Variants in MYO6 observed in about 807,000 individuals in gnomAD.
The protein encoded by MYO6 is myosin VI, also known as unconventional myosin-VI.
Under a neutral mutation model 178.7 loss-of-function variants are expected in MYO6, and 74 were observed. The ratio of observed to expected loss-of-function variants is 0.41; its 90% confidence interval spans 0.34 to 0.50. The LOEUF is 0.50. MYO6 is among the 20% of genes least tolerant of loss of function. The probability of loss-of-function intolerance (pLI) is 0.09; values close to 1 mark genes in which losing one functional copy is unlikely to be tolerated. For synonymous variants in MYO6, 477 were observed against 504.6 expected, an observed-to-expected ratio of 0.95 and a Z score of 0.73; for missense variants, 1,330 against 1,547.4, an observed-to-expected ratio of 0.86 and a Z score of 2.36.
At chr6:75,889,938 A>G in intron 25 of MYO6, 119 bp from the exon 26 acceptor site, 2 of 807,292 alleles carry the variant, frequency 2.5e-6, no homozygotes, top group Non-Finnish European at 4.0e-6. Context: ...AACAATAAAA[A>G]CATTAAAATT....
At chr6:75,814,040 C>G (rs1033720268) in intron 1 of MYO6, among the ~76,000 whole-genome samples, 3 of 152,192 alleles carry the variant, frequency 2.0e-5, no homozygotes, top group African/African-American at 7.2e-5. Context: ...GCTCCCCAAA[C>G]CCGGTGGCTC....
At chr6:75,817,121 C>A (rs898992877) in intron 1 of MYO6, among the ~76,000 whole-genome samples, 1 of 151,916 alleles carries the variant, frequency 6.6e-6, no homozygotes, top group East Asian at 1.9e-4. Flanking sequence ...CTGGCTAACA[C>A]GGTGAAATCC....
intron 27 of MYO6, 50 bp downstream of exon 27, chr6:75,891,356 G>A (rs756641337): frequency 2.1e-6 from 3 of 1,417,510 alleles, no homozygotes; most frequent in East Asian, 2.4e-5. Flanking sequence ...CTACAGGCTG[G>A]GTGTGGTGGC....
rs1778620517 is a variant in MYO6 at position 75,888,262 on chromosome 6, A to G, written c.2658+1268A>G. Among the ~76,000 whole-genome samples the G allele has an allele frequency of 2.0e-5, 3 of 152,132 alleles. No individual in the cohort carries two copies. The South Asian group carries it at 6.2e-4, about 32-fold the overall frequency. ...GTGCCACTGCACTCCTGCCTCAGCG[A>G]CAGAGTGAGACTACGTCTAAAAATA... On this transcript the variant is annotated intron_variant, in intron 25 of 34. Coordinates refer to ENST00000369977, the MANE Select transcript of MYO6 (RefSeq NM_004999.4).
chr6:75,814,205 C>G (rs1245846944), intron 1 of MYO6, among the ~76,000 whole-genome samples: 2 of 151,560 alleles, frequency 1.3e-5, no homozygotes, highest in African/African-American at 2.4e-5. Context: ...TGTAAATGCT[C>G]TGTTTGTGAT....
intron 11 of MYO6, among the ~76,000 whole-genome samples, chr6:75,853,747 G>A (rs996173578): frequency 2.6e-5 from 4 of 151,964 alleles, no homozygotes; most frequent in Non-Finnish European, 5.9e-5. Flanking sequence ...TTTTTAATTA[G>A]GTAGTCTTAG....
chr6:75,850,715 C>T (rs7763864), intron 11 of MYO6, among the ~76,000 whole-genome samples: 2,472 of 152,256 alleles, frequency 0.016, 70 homozygotes, highest in African/African-American at 0.057. Context: ...TTAGCCTTTT[C>T]GTGTCTTAGT....
At chr6:75,910,341 G>GGTTC (rs1437973830) in intron 32 of MYO6, among the ~76,000 whole-genome samples, 1 of 152,080 alleles carries the variant, frequency 6.6e-6, no homozygotes, top group Non-Finnish European at 1.5e-5. Flanking sequence ...CTTAAAAAGA[G>GGTTC]GTTCATGTTG....
chr6:75,886,444 A>G (rs529051768), intron 24 of MYO6, among the ~76,000 whole-genome samples: 1 of 125,328 alleles, frequency 8.0e-6, no homozygotes, highest in East Asian at 2.1e-4. Flanking sequence ...TCTCACTAAT[A>G]TGTTTACATA....
chr6:75,781,803 A>C (rs1325120308), intron 1 of MYO6, among the ~76,000 whole-genome samples: 2 of 149,582 alleles, frequency 1.3e-5, no homozygotes, highest in Non-Finnish European at 3.0e-5. Context: ...CTGTAGTCCC[A>C]GTTATTCGGG....
chr6:75,799,611 C>A (rs1221411685), intron 1 of MYO6, among the ~76,000 whole-genome samples: 1 of 151,976 alleles, frequency 6.6e-6, no homozygotes, highest in Non-Finnish European at 1.5e-5. Flanking sequence ...TATTTACTTT[C>A]TTTTTTTCCC....
At chr6:75,894,864 T>C in intron 28 of MYO6, 1 of 1,407,574 alleles carries the variant, frequency 7.1e-7, no homozygotes, top group Non-Finnish European at 9.7e-7. Flanking sequence ...TCTATGTATG[T>C]CATATGTTCT....
At chr6:75,890,295 G>C (rs1430499572) in intron 26 of MYO6, 30 bp downstream of exon 26, 1 of 1,612,682 alleles carries the variant, frequency 6.2e-7, no homozygotes, top group Admixed American at 1.7e-5. Context: ...TTGAATAAGA[G>C]ACTTAAAGAA....
At chr6:75,804,745 TCTGTTTGCCA>T (rs888956273) in intron 1 of MYO6, among the ~76,000 whole-genome samples, 8 of 152,034 alleles carry the variant, frequency 5.3e-5, no homozygotes, top group African/African-American at 1.9e-4. Context: ...TTGGAAGGAT[TCTGTTTGCCA>T]TATGCTTTCT....
At position 75,824,814 on chromosome 6, in the gene MYO6, C is replaced by T. The variant is rs181746229; in HGVS notation, c.187+1963C>T. ...TCGCTCTGTCACCCAGACTGGAGTGCAGTGGTGTGATCTCAGCTCACTGCA... is the reference window on the plus strand; with the variant it reads ...TCGCTCTGTCACCCAGACTGGAGTGTAGTGGTGTGATCTCAGCTCACTGCA... On this transcript the variant is annotated intron_variant, in intron 3 of 34. Coordinates refer to ENST00000369977, the MANE Select transcript of MYO6 (RefSeq NM_004999.4). Among the ~76,000 whole-genome samples, 64 of 149,590 alleles carry T rather than the reference C, an allele frequency of 4.3e-4. No individual in the cohort carries two copies. The East Asian group carries it at 0.012, about 29-fold the overall frequency.
chr6:75,781,311 AT>A (rs1468013580), intron 1 of MYO6, among the ~76,000 whole-genome samples: 1 of 152,152 alleles, frequency 6.6e-6, no homozygotes, highest in African/African-American at 2.4e-5. Context: ...GATTTGCTTA[AT>A]TTTTGAAGCA....
Position 75,764,307 on chromosome 6 carries a change from C to T in MYO6, c.-48+14884C>T, listed in dbSNP as rs181652631. Among the ~76,000 whole-genome samples, 350 of 152,336 alleles carry T rather than the reference C, an allele frequency of 2.3e-3. 4 individuals carry two copies. The Middle Eastern group carries it at 0.051, about 22-fold the overall frequency. On this transcript the variant is annotated intron_variant, in intron 1 of 34. Coordinates refer to ENST00000369977, the MANE Select transcript of MYO6 (RefSeq NM_004999.4). ...CACACCTGTGCCATTCTCCTTCGCTCTAGCCCCGTTGGCCTCTTCCCCAAA... is the reference window on the plus strand; with the variant it reads ...CACACCTGTGCCATTCTCCTTCGCTTTAGCCCCGTTGGCCTCTTCCCCAAA...
chr6:75,868,264 TAA>T (rs1361188625), intron 18 of MYO6, among the ~76,000 whole-genome samples: 2 of 151,840 alleles, frequency 1.3e-5, no homozygotes, highest in Non-Finnish European at 2.9e-5. Flanking sequence ...AATTTTGTTA[TAA>T]GTTATATTCA....
chr6:75,755,853 G>GT (rs1451509663), intron 1 of MYO6, among the ~76,000 whole-genome samples: 1 of 152,186 alleles, frequency 6.6e-6, no homozygotes, highest in Non-Finnish European at 1.5e-5. Flanking sequence ...TTTGAATTAA[G>GT]TTAATTATAG....
Sources: allele counts gnomAD v4.1 joint callset (sites outside exome capture counted in the v4.1 genomes callset), GRCh38; gene constraint gnomAD v4.1.1; transcripts MANE v1.5; gene names NCBI Gene and HGNC (gene_info 2026-07-23, HGNC 2026-07-21).